Variants in SLC23A2 observed in about 807,000 individuals in gnomAD.
SLC23A2 encodes Na(+)/L-ascorbic acid transporter 2.
A neutral mutation model predicts 73.3 loss-of-function variants in SLC23A2; 36 were observed. That is an observed-to-expected ratio of 0.49 (90% confidence interval 0.38 to 0.65). The LOEUF (loss-of-function observed/expected upper bound fraction) is 0.65, where lower values mean the gene tolerates loss of function less well. Ranked by LOEUF, SLC23A2 falls within the 30% of genes least tolerant of loss-of-function variation. The pLI is 0.00. For synonymous variants in SLC23A2, 343 were observed against 327.3 expected (o/e 1.05, Z -0.52); for missense variants, 507 against 841.6 (o/e 0.60, Z 4.92).
intron 2 of SLC23A2, among the ~76,000 whole-genome samples, chr20:4,956,236 T>A (rs1033437508): frequency 2.0e-5 from 3 of 152,230 alleles, no homozygotes; most frequent in African/African-American, 4.8e-5. Flanking sequence ...TCTTTCCAGA[T>A]AAATGTTAGA....
chr20:4,859,480 C>A, intron 15 of SLC23A2, 96 bp from the exon 16 acceptor site: 1 of 780,102 alleles, frequency 1.3e-6, no homozygotes, highest in Non-Finnish European at 2.3e-6. Flanking sequence ...AGAACTCCGC[C>A]AATCAAAGCA....
At chr20:4,871,054 TAAC>T (rs546302292) in intron 11 of SLC23A2, among the ~76,000 whole-genome samples, 99 of 152,312 alleles carry the variant, frequency 6.5e-4, no homozygotes, top group Middle Eastern at 3.4e-3. Context: ...AGGTCTTACT[TAAC>T]AAAAATAGCA....
In SLC23A2 at chr20:4,899,662, G is replaced by A. The variant is rs1776964; in HGVS notation, c.375C>T (p.Ala125=). Reference sequence around the variant, plus strand: ...GGTCGTACCCCACACACATGGCATCGGCCAACAGGAAGGGCACTGCGATCG... The same window carrying A: ...GGTCGTACCCCACACACATGGCATCAGCCAACAGGAAGGGCACTGCGATCG... ...SGTIAVPFLL[A]DAMCVGYDQW... is the part of the protein sequence containing the mutation. Residue 125 remains alanine, a synonymous_variant, in exon 6 of 17, where the codon GCC becomes GCT. Transcript: ENST00000338244. This position sits in a 1 kb window ranked among gnomAD's most constrained non-coding sequence, Gnocchi z 4.9. 750,848 of 1,613,436 alleles carry A rather than the reference G, an allele frequency of 0.47. 176,828 individuals are homozygous for A. Among genetic ancestry groups the A allele is most frequent in the East Asian group, 0.59 (26,415 of 44,824 alleles).
intron 2 of SLC23A2, among the ~76,000 whole-genome samples, chr20:4,949,714 TACAA>T (rs1446983859): frequency 1.3e-5 from 2 of 151,862 alleles, no homozygotes; most frequent in East Asian, 3.9e-4. Context: ...TCACCAGAGA[TACAA>T]ACACTCAGAT....
At chr20:4,905,887 C>G (rs1931932866) in intron 4 of SLC23A2, among the ~76,000 whole-genome samples, 1 of 152,178 alleles carries the variant, frequency 6.6e-6, no homozygotes, top group Admixed American at 6.5e-5. Flanking sequence ...CTGAGAAGAA[C>G]AGATATTAAA....
intron 12 of SLC23A2, among the ~76,000 whole-genome samples, chr20:4,869,318 T>A (rs1930333973): frequency 7.4e-6 from 1 of 134,794 alleles, no homozygotes; most frequent in African/African-American, 2.9e-5. Flanking sequence ...TCTTTTTAAA[T>A]TAAAAACAAA....
chr20:4,925,618 C>T (rs2122926654), intron 3 of SLC23A2, among the ~76,000 whole-genome samples: 1 of 152,092 alleles, frequency 6.6e-6, no homozygotes, highest in Non-Finnish European at 1.5e-5. Flanking sequence ...ATCTCCAGAC[C>T]CTTCCTGCCC....
chr20:4,989,839 A>C (rs1032677801), intron 1 of SLC23A2, among the ~76,000 whole-genome samples: 1 of 152,178 alleles, frequency 6.6e-6, no homozygotes, highest in Non-Finnish European at 1.5e-5. Context: ...CTATCTAAGA[A>C]ACTCAAGAGA....
intron 1 of SLC23A2, among the ~76,000 whole-genome samples, chr20:4,977,633 G>A (rs2087663920): frequency 6.6e-6 from 1 of 151,638 alleles, no homozygotes; most frequent in Non-Finnish European, 1.5e-5. Flanking sequence ...GGGAGGCAGA[G>A]GCTGCAGTGA....
intron 2 of SLC23A2, among the ~76,000 whole-genome samples, chr20:4,951,636 G>C (rs2122141603): frequency 6.6e-6 from 1 of 152,274 alleles, no homozygotes. Context: ...GGGGATGGGA[G>C]TGACTATTCA....
intron 1 of SLC23A2, among the ~76,000 whole-genome samples, chr20:4,993,307 C>A (rs368622661): frequency 1.4e-3 from 177 of 123,024 alleles, no homozygotes; most frequent in Non-Finnish European, 1.6e-3. Flanking sequence ...GACTCCGTCT[C>A]AAAAAAAAAA....
intron 2 of SLC23A2, among the ~76,000 whole-genome samples, chr20:4,940,759 C>T (rs2087027649): frequency 6.6e-6 from 1 of 152,210 alleles, no homozygotes; most frequent in South Asian, 2.1e-4. Flanking sequence ...CATGATTCCA[C>T]TTACGTGAGG....
chr20:4,995,230 A>G (rs2088000072), intron 1 of SLC23A2, among the ~76,000 whole-genome samples: 1 of 152,162 alleles, frequency 6.6e-6, no homozygotes, highest in African/African-American at 2.4e-5. Flanking sequence ...GGGAATTGAC[A>G]GAAAGAATCC....
chr20:4,984,325 CG>C (rs1568655899), intron 1 of SLC23A2, among the ~76,000 whole-genome samples: 1 of 151,884 alleles, frequency 6.6e-6, no homozygotes, highest in Non-Finnish European at 1.5e-5. Context: ...GAGGCCGAGG[CG>C]GGTGGATCAC....
At chr20:4,885,942 G>A (rs572515088) in intron 6 of SLC23A2, 33 bp from the exon 7 acceptor site, 1 of 1,470,082 alleles carries the variant, frequency 6.8e-7, no homozygotes, top group Non-Finnish European at 9.5e-7. Context: ...CATGATCACG[G>A]CATCGGGAAC....
rs554689133 is a variant in SLC23A2, at chr20:4,966,722, C to T, written c.-155+4071G>A. On this transcript the variant is annotated intron_variant, in intron 2 of 16. Coordinates refer to ENST00000338244, the MANE Select transcript of SLC23A2 (RefSeq NM_005116.6). Reference sequence around the variant, plus strand: ...CTGCTAGTCTAAAATACGTGGATACCAGGGAAAGAGAAAATGCTATTTCAG... The same window carrying T: ...CTGCTAGTCTAAAATACGTGGATACTAGGGAAAGAGAAAATGCTATTTCAG... Among the ~76,000 whole-genome samples, 3 of 151,052 alleles carry T rather than the reference C, an allele frequency of 2.0e-5. No homozygotes were observed. In the East Asian group the frequency reaches 5.8e-4, roughly 29 times the overall value.
intron 2 of SLC23A2, among the ~76,000 whole-genome samples, chr20:4,953,921 C>T (rs2087242659): frequency 1.3e-5 from 2 of 151,976 alleles, no homozygotes; most frequent in Admixed American, 6.6e-5. Context: ...TAAATGCCAA[C>T]CCCCAAGATA....
intron 1 of SLC23A2, among the ~76,000 whole-genome samples, chr20:4,979,485 A>G (rs2122258625): frequency 6.6e-6 from 1 of 151,874 alleles, no homozygotes; most frequent in Middle Eastern, 3.4e-3. Flanking sequence ...CAGGAGGATG[A>G]CTTGAGGCCA....
At chr20:4,911,345 T>C (rs1468732587) in intron 4 of SLC23A2, among the ~76,000 whole-genome samples, 4 of 152,162 alleles carry the variant, frequency 2.6e-5, no homozygotes, top group South Asian at 4.1e-4. Context: ...AATAACAATA[T>C]TGGTTGAGAG....
Sources: allele counts gnomAD v4.1 joint callset (sites outside exome capture counted in the v4.1 genomes callset), GRCh38; gene constraint gnomAD v4.1.1; non-coding constraint Gnocchi (gnomAD v3.1); transcripts MANE v1.5; gene names NCBI Gene and HGNC (gene_info 2026-07-23, HGNC 2026-07-21).